The following SLC35F3 variants were observed in gnomAD, a reference collection of about 807,000 sequenced individuals.
SLC35F3 encodes the protein solute carrier family 35 member F3.
In SLC35F3, 25 loss-of-function variants were observed where a neutral mutation model predicts 49.9. The ratio of observed to expected loss-of-function variants is 0.50; its 90% CI spans 0.37 to 0.70. The LOEUF is 0.70. SLC35F3 is among the 30% of genes least tolerant of loss of function. SLC35F3 has a pLI of 0.00. For missense variants in SLC35F3, 525 were observed against 639.8 expected, an observed-to-expected ratio of 0.82 and a Z score of 1.94; for synonymous variants, 275 against 265.4, an observed-to-expected ratio of 1.04 and a Z score of -0.35.
intron 2 of SLC35F3, among the ~76,000 whole-genome samples, chr1:233,979,454 T>G (rs1009163490): frequency 1.3e-5 from 2 of 152,238 alleles, no homozygotes; most frequent in Non-Finnish European, 2.9e-5. Context: ...TGTCCTTATA[T>G]TTGGCAGCCT....
At chr1:234,197,992 C>T (rs1666840703) in intron 2 of SLC35F3, among the ~76,000 whole-genome samples, 1 of 152,196 alleles carries the variant, frequency 6.6e-6, no homozygotes, top group South Asian at 2.1e-4. Context: ...TAGCACTTGG[C>T]TGTGAGAAGC....
chr1:234,027,012 T>C lies in SLC35F3; in HGVS notation c.283+121254T>C, dbSNP rs958110104. 6.5e-6 allele frequency: 1 copy of C among 153,032 alleles called. No homozygotes were observed. The highest frequency in any genetic ancestry group is 1.5e-5 in the Non-Finnish European group (1 of 68,352). 9.5% of individuals were successfully genotyped at this position (153,032 alleles called of 1,614,324 possible). On this transcript the variant is annotated intron_variant, in intron 2 of 7. Coordinates refer to ENST00000366618, the MANE Select transcript of SLC35F3 (RefSeq NM_173508.4). The surrounding 1 kb of genome is among the most constrained non-coding windows in gnomAD (Gnocchi z 4.1). ...AAGGGAAAAGCAAATTAAGAGCACGTCTGTGTGCAGATAGGATAGGGGGCA... is the reference window on the plus strand; with the variant it reads ...AAGGGAAAAGCAAATTAAGAGCACGCCTGTGTGCAGATAGGATAGGGGGCA...
intron 3 of SLC35F3, among the ~76,000 whole-genome samples, chr1:234,277,409 A>G (rs75911843): frequency 3.3e-5 from 5 of 152,246 alleles, no homozygotes; most frequent in Non-Finnish European, 7.3e-5. Flanking sequence ...GCCGTGTGCT[A>G]TAGCCAGAAT....
At chr1:234,232,519 C>CAAAAAAAAAAAAAAAAAAAAA (rs536692686) in intron 3 of SLC35F3, among the ~76,000 whole-genome samples, 6 of 72,344 alleles carry the variant, frequency 8.3e-5, no homozygotes, top group Non-Finnish European at 1.2e-4. Context: ...CAGGCCTAGT[C>CAAAAAAAAAAAAAAAAAAAAA]AAAAAAAAAA....
At chr1:234,165,517 C>G (rs1230775458) in intron 2 of SLC35F3, among the ~76,000 whole-genome samples, 1 of 152,082 alleles carries the variant, frequency 6.6e-6, no homozygotes, top group Non-Finnish European at 1.5e-5. Flanking sequence ...TAGTGGATCT[C>G]AAAACGTTTG....
chr1:234,048,639 G>GGAGCCTTGGAGGTAAGGCTCCCTA (rs11269045), intron 2 of SLC35F3, among the ~76,000 whole-genome samples: 116,374 of 151,880 alleles, frequency 0.77, 45,466 homozygotes, highest in African/African-American at 0.92. Context: ...CGCATCACCT[G>GGAGCCTTGGAGGTAAGGCTCCCTA]GAGCCTTGGG....
intron 2 of SLC35F3, among the ~76,000 whole-genome samples, chr1:233,984,907 A>G (rs183106545): frequency 2.6e-5 from 4 of 152,314 alleles, no homozygotes; most frequent in East Asian, 3.9e-4. Context: ...TTAAGCTGCT[A>G]TCATCTTCTT....
chr1:234,202,746 GA>G (rs1666917229), intron 2 of SLC35F3, among the ~76,000 whole-genome samples: 1 of 152,224 alleles, frequency 6.6e-6, no homozygotes, highest in South Asian at 2.1e-4. Context: ...GTCTAAGACA[GA>G]TAACAATACA....
At chr1:234,053,751 A>G (rs1164472760) in intron 2 of SLC35F3, among the ~76,000 whole-genome samples, 2 of 152,108 alleles carry the variant, frequency 1.3e-5, no homozygotes, top group African/African-American at 2.4e-5. Flanking sequence ...GGTCTTTACA[A>G]TTTGGCATGT....
chr1:233,950,274 T>C (rs1662581450), intron 2 of SLC35F3, among the ~76,000 whole-genome samples: 2 of 149,294 alleles, frequency 1.3e-5, no homozygotes, highest in African/African-American at 5.0e-5. Context: ...TAGTCCCAGC[T>C]ACTCGGGAGG....
At chr1:233,981,582 T>A (rs765871528) in intron 2 of SLC35F3, among the ~76,000 whole-genome samples, 30 of 152,132 alleles carry the variant, frequency 2.0e-4, no homozygotes, top group Non-Finnish European at 3.7e-4. Flanking sequence ...CCATGTTGTC[T>A]TAAGTGTTTG....
intron 2 of SLC35F3, among the ~76,000 whole-genome samples, chr1:234,020,092 C>G (rs1663867783): frequency 6.6e-6 from 1 of 152,060 alleles, no homozygotes. Flanking sequence ...ACTAGGGCAT[C>G]CCAAAGCCAT....
At chr1:234,289,860 A>G (rs1315395948) in intron 3 of SLC35F3, among the ~76,000 whole-genome samples, 2 of 152,246 alleles carry the variant, frequency 1.3e-5, no homozygotes, top group East Asian at 3.8e-4. Context: ...AAAGTAAACC[A>G]AAACATTATG....
intron 2 of SLC35F3, among the ~76,000 whole-genome samples, chr1:234,147,832 G>A (rs1270130651): frequency 1.3e-5 from 2 of 152,232 alleles, no homozygotes. Context: ...AGTACAGAGT[G>A]CTGGGTTCCA....
At chr1:233,992,012 G>C (rs1431901012) in intron 2 of SLC35F3, among the ~76,000 whole-genome samples, 1 of 152,104 alleles carries the variant, frequency 6.6e-6, no homozygotes, top group Non-Finnish European at 1.5e-5. Context: ...ATAAGAAATG[G>C]GAACATTGTG....
chr1:234,231,713 G>A lies in SLC35F3; in HGVS notation c.580G>A (p.Glu194Lys). The change falls in exon 3 of 8, where the codon GAG (glutamate) becomes AAG (lysine). Residue 194 changes from glutamate to lysine, a missense_variant. Glu to Lys is a moderately conservative substitution (Grantham distance 56). Coordinates refer to ENST00000366618, the MANE Select transcript of SLC35F3 (RefSeq NM_173508.4). The surrounding 1 kb of genome is among the most constrained non-coding windows in gnomAD (Gnocchi z 5.4). Reference protein sequence around the residue: ...YYVGHVCKSTEKQSVKQRYRE... With the variant: ...YYVGHVCKSTKKQSVKQRYRE... Reference sequence around the variant, plus strand: ...CGTGGGGCACGTCTGCAAGTCCACAGAGAAGCAGTCTGTGAAGCAGCGATA... The same window carrying A: ...CGTGGGGCACGTCTGCAAGTCCACAAAGAAGCAGTCTGTGAAGCAGCGATA... The A allele has an allele frequency of 6.2e-7, 1 of 1,613,012 alleles. No homozygotes were observed. Among genetic ancestry groups the A allele is most frequent in the Non-Finnish European group, 8.5e-7 (1 of 1,179,224 alleles).
chr1:234,081,895 G>A, intron 2 of SLC35F3, among the ~76,000 whole-genome samples: 1 of 115,398 alleles, frequency 8.7e-6, no homozygotes, highest in Non-Finnish European at 1.7e-5. Flanking sequence ...CTGCCACCAT[G>A]CCTGGCTAAT....
intron 2 of SLC35F3, among the ~76,000 whole-genome samples, chr1:234,102,586 C>G (rs775249855): frequency 6.6e-6 from 1 of 152,154 alleles, no homozygotes; most frequent in Non-Finnish European, 1.5e-5. Context: ...TAAGCCTTGG[C>G]GTGTTTCATT....
chr1:234,024,372 T>G (rs551518317), intron 2 of SLC35F3, among the ~76,000 whole-genome samples: 1 of 152,296 alleles, frequency 6.6e-6, no homozygotes, highest in East Asian at 1.9e-4. Flanking sequence ...GGCTTCAAAC[T>G]TCACCCAGTG....
Sources: gnomAD v4.1 joint callset for allele counts (sites outside exome capture counted in the v4.1 genomes callset) on GRCh38, gnomAD v4.1.1 for gene constraint, Gnocchi (gnomAD v3.1) non-coding constraint, MANE v1.5 for transcripts, NCBI Gene and HGNC (gene_info 2026-07-23, HGNC 2026-07-21) for gene names.